GRM7: variants seen among roughly 807,000 people sequenced by gnomAD.
The protein encoded by GRM7 is metabotropic glutamate receptor 7.
Under a neutral mutation model 84.5 loss-of-function variants are expected in GRM7, and 35 were observed. That is an observed-to-expected ratio of 0.41 (90% CI 0.32 to 0.55). The LOEUF (loss-of-function observed/expected upper bound fraction) is 0.55, where lower values mean the gene tolerates loss of function less well. GRM7 is among the 20% of genes least tolerant of loss of function. The pLI, the probability that GRM7 is intolerant of heterozygous loss-of-function variation, is 0.19. For missense variants in GRM7, 1,003 were observed against 1,194.6 expected (o/e 0.84, Z 2.36); for synonymous variants, 487 against 455.1 (o/e 1.07, Z -0.89).
chr3:7,568,617 C>T (rs569730610), intron 7 of GRM7, among the ~76,000 whole-genome samples: 1 of 152,214 alleles, frequency 6.6e-6, no homozygotes, highest in Non-Finnish European at 1.5e-5. Flanking sequence ...CAAGCGGGAA[C>T]CGGGGCTGCC....
intron 8 of GRM7, among the ~76,000 whole-genome samples, chr3:7,634,149 C>G (rs1394115212): frequency 1.3e-5 from 2 of 152,034 alleles, no homozygotes; most frequent in Admixed American, 6.6e-5. Flanking sequence ...CAGAATTATG[C>G]TTGGATGACT....
chr3:7,389,030 C>T (rs1694890904), intron 4 of GRM7, among the ~76,000 whole-genome samples: 1 of 152,016 alleles, frequency 6.6e-6, no homozygotes, highest in South Asian at 2.1e-4. Context: ...GTAAACTTTC[C>T]TCTTAATGCC....
intron 4 of GRM7, among the ~76,000 whole-genome samples, chr3:7,365,655 A>ATGTG (rs1327502018): frequency 2.1e-5 from 3 of 145,032 alleles, no homozygotes; most frequent in African/African-American, 7.5e-5. Flanking sequence ...GTGTATATAT[A>ATGTG]TATATATATA....
At chr3:7,051,568 A>G (rs1023817968) in intron 1 of GRM7, among the ~76,000 whole-genome samples, 1 of 151,806 alleles carries the variant, frequency 6.6e-6, no homozygotes, top group Non-Finnish European at 1.5e-5. Context: ...AACTCAAATT[A>G]CTGATGAAGG....
chr3:7,487,708 T>A (rs1201950903), intron 7 of GRM7, among the ~76,000 whole-genome samples: 1 of 152,176 alleles, frequency 6.6e-6, no homozygotes, highest in African/African-American at 2.4e-5. Flanking sequence ...TCTGTCCAAA[T>A]TTCAAAGGAT....
intron 7 of GRM7, among the ~76,000 whole-genome samples, chr3:7,564,706 G>A (rs1694181484): frequency 6.6e-6 from 1 of 152,136 alleles, no homozygotes; most frequent in African/African-American, 2.4e-5. Context: ...CAGGCATCAT[G>A]CTATTCCTTA....
intron 1 of GRM7, among the ~76,000 whole-genome samples, chr3:6,901,219 A>G (rs1468135448): frequency 6.6e-6 from 1 of 152,194 alleles, no homozygotes; most frequent in Non-Finnish European, 1.5e-5. Flanking sequence ...ATATTATACA[A>G]CAAGATCCAT....
At chr3:7,534,092 A>G (rs146412553) in intron 7 of GRM7, among the ~76,000 whole-genome samples, 342 of 149,090 alleles carry the variant, frequency 2.3e-3, no homozygotes, top group African/African-American at 8.2e-3. Context: ...TTGGCTCACT[A>G]CAACCTCTGC....
intron 2 of GRM7, among the ~76,000 whole-genome samples, chr3:7,164,359 A>G (rs1694733820): frequency 1.3e-5 from 2 of 152,174 alleles, no homozygotes; most frequent in Admixed American, 6.5e-5. Context: ...GCTCCCTCTC[A>G]AAAAAATTAA....
Position 7,240,120 on chromosome 3 carries a change from G to GTTTTTTTTTTTTT in GRM7, c.737-58552_737-58540dup, listed in dbSNP as rs397988598. On this transcript the variant is annotated intron_variant, in intron 2 of 9. Transcript: ENST00000357716. The stretch of plus-strand genomic sequence containing the variant: ...TACCAGTAATCTTTTAGCATGTGAG[G>GTTTTTTTTTTTTT]TTTTTTTTTTTTTTTTTTTTTTTTC... Among the ~76,000 whole-genome samples the GTTTTTTTTTTTTT allele has an allele frequency of 1.2e-3, 63 of 52,718 alleles. 9 individuals carry two copies. Among genetic ancestry groups the GTTTTTTTTTTTTT allele is most frequent in the African/African-American group, 3.9e-3 (55 of 14,266 alleles). 34.6% of individuals were successfully genotyped at this position (52,718 alleles called of 152,430 possible).
chr3:7,282,416 A>T (rs1161798112), intron 2 of GRM7, among the ~76,000 whole-genome samples: 1 of 152,166 alleles, frequency 6.6e-6, no homozygotes, highest in African/African-American at 2.4e-5. Context: ...CCTATCCACA[A>T]ACCTGGCAGT....
At chr3:7,371,614 A>G (rs17654011) in intron 4 of GRM7, among the ~76,000 whole-genome samples, 60,861 of 151,942 alleles carry the variant, frequency 0.4, 12,923 homozygotes, top group East Asian at 0.58. Flanking sequence ...ATTCTGAGCA[A>G]TGCACAATGA....
chr3:6,959,903 C>G (rs1693223579), intron 1 of GRM7, among the ~76,000 whole-genome samples: 1 of 152,046 alleles, frequency 6.6e-6, no homozygotes, highest in Admixed American at 6.6e-5. Flanking sequence ...GGTATGGTTT[C>G]TCTCTGTCTC....
intron 1 of GRM7, among the ~76,000 whole-genome samples, chr3:7,116,562 T>G (rs578135258): frequency 6.6e-6 from 1 of 152,250 alleles, no homozygotes; most frequent in Admixed American, 6.5e-5. Context: ...TTATTATATT[T>G]GTAAAAGAAA....
chr3:7,094,080 T>C (rs1364390202), intron 1 of GRM7, among the ~76,000 whole-genome samples: 1 of 152,174 alleles, frequency 6.6e-6, no homozygotes, highest in Non-Finnish European at 1.5e-5. Context: ...CCATTCTAGG[T>C]ACTAGAAATA....
intron 7 of GRM7, among the ~76,000 whole-genome samples, chr3:7,465,416 A>AG (rs1559342107): frequency 1.3e-5 from 2 of 152,104 alleles, no homozygotes; most frequent in South Asian, 4.1e-4. Flanking sequence ...AATTGTGTTC[A>AG]GGGGGATTAA....
Position 6,863,776 on chromosome 3 carries a change from T to C in GRM7, c.519+1869T>C, listed in dbSNP as rs1397439631. 6.6e-6 allele frequency among the ~76,000 whole-genome samples: 1 copy of C among 152,080 alleles called. No homozygotes were observed. Among genetic ancestry groups the C allele is most frequent in the African/African-American group, 2.4e-5 (1 of 41,388 alleles). On this transcript the variant is annotated intron_variant, in intron 1 of 9. Coordinates refer to ENST00000357716, the MANE Select transcript of GRM7 (RefSeq NM_000844.4). The surrounding 1 kb of genome is among the most constrained non-coding windows in gnomAD (Gnocchi z 4.8). ...GTGTTTTCCCTGTTAGCCTGTGGGG[T>C]TAAAGGCACAAAACGTTTTGTGTTT...
chr3:7,271,014 T>G (rs901522016), intron 2 of GRM7, among the ~76,000 whole-genome samples: 1 of 152,194 alleles, frequency 6.6e-6, no homozygotes, highest in Non-Finnish European at 1.5e-5. Flanking sequence ...CTTGGCTGTC[T>G]GTCTCAAGAT....
At chr3:6,920,402 A>C (rs553852192) in intron 1 of GRM7, among the ~76,000 whole-genome samples, 1 of 152,140 alleles carries the variant, frequency 6.6e-6, no homozygotes, top group East Asian at 1.9e-4. Flanking sequence ...AAAAATACAA[A>C]AAATTAGCTG....
Sources: allele counts gnomAD v4.1 joint callset (sites outside exome capture counted in the v4.1 genomes callset), GRCh38; gene constraint gnomAD v4.1.1; non-coding constraint Gnocchi (gnomAD v3.1); transcripts MANE v1.5; gene names NCBI Gene and HGNC (gene_info 2026-07-23, HGNC 2026-07-21).